Variants in CASP10 observed in about 807,000 individuals in gnomAD.
CASP10 encodes the protein caspase 10, also known as caspase-10.
CASP10 carries 41 observed loss-of-function variants against 48.5 expected under a neutral mutation model. That is an observed-to-expected ratio of 0.85 (90% CI 0.66 to 1.10). The LOEUF is 1.10. CASP10 is among the 50% of genes least tolerant of loss of function. CASP10 has a pLI of 0.00. For missense variants in CASP10, 614 were observed against 614.5 expected (o/e 1.00, Z 0.01); for synonymous variants, 232 against 238.4 (o/e 0.97, Z 0.25).
At chr2:201,226,996 A>C (rs1945795462) in intron 9 of CASP10, among the ~76,000 whole-genome samples, 1 of 152,192 alleles carries the variant, frequency 6.6e-6, no homozygotes, top group South Asian at 2.1e-4. Flanking sequence ...CTTATAAATT[A>C]ATATGTATAT....
intron 5 of CASP10, among the ~76,000 whole-genome samples, chr2:201,203,217 T>A (rs935085859): frequency 6.6e-6 from 1 of 152,172 alleles, no homozygotes; most frequent in Non-Finnish European, 1.5e-5. Flanking sequence ...TGAGCATATG[T>A]CACACTGTAT....
intron 5 of CASP10, among the ~76,000 whole-genome samples, chr2:201,203,064 C>T (rs1266375526): frequency 6.6e-6 from 1 of 152,132 alleles, no homozygotes; most frequent in South Asian, 2.1e-4. Context: ...GACAGCATCC[C>T]CTGGAGAAGG....
Position 201,218,447 on chromosome 2 carries a change from T to A in CASP10, c.*706T>A. On this transcript the variant is annotated 3_prime_UTR_variant, in exon 10 of 10. Coordinates refer to ENST00000286186, the MANE Select transcript of CASP10 (RefSeq NM_032977.4). ...CCTCCCAAGTAGCTGAGACTACAGG[T>A]GTGTGTCCATGCACAGCTAACTTTT... The A allele has an allele frequency of 7.8e-6, 5 of 644,442 alleles. No homozygotes were observed. The highest frequency in any genetic ancestry group is 9.6e-6 in the Non-Finnish European group (5 of 519,570). 39.9% of individuals were successfully genotyped at this position (644,442 alleles called of 1,614,324 possible). A position where few individuals can be genotyped will look rare whatever the true frequency, so the allele number is the denominator to read the frequency against.
intron 5 of CASP10, among the ~76,000 whole-genome samples, chr2:201,197,339 G>T (rs1266772749): frequency 6.6e-6 from 1 of 152,150 alleles, no homozygotes; most frequent in Non-Finnish European, 1.5e-5. Context: ...AGTTGGCCAG[G>T]CATGGTGGCC....
At chr2:201,193,399 G>A (rs1350553273) in intron 4 of CASP10, 6 of 360,800 alleles carry the variant, frequency 1.7e-5, no homozygotes, top group Non-Finnish European at 2.2e-5. Context: ...GTAGCGACAG[G>A]GTTTCACTAT....
At chr2:201,190,200 G>T (rs1361815444) in intron 3 of CASP10, among the ~76,000 whole-genome samples, 1 of 152,064 alleles carries the variant, frequency 6.6e-6, no homozygotes, top group East Asian at 1.9e-4. Flanking sequence ...TTTAATGAGA[G>T]ATGTCATTTC....
rs1401745844 is a variant in CASP10 at position 201,208,195 on chromosome 2, T to C, written c.922+12T>C. The C allele has an allele frequency of 6.2e-7, 1 of 1,600,520 alleles. No individual in the cohort carries two copies. The highest frequency in any genetic ancestry group is 1.8e-5 in the Admixed American group (1 of 56,174). On this transcript the variant is annotated intron_variant, in intron 8 of 9. Transcript: ENST00000286186. ...CCATAAAGATGCTGGTAAGAAAGTC[T>C]GGAACAGTTTATCAAATGCAAATTG...
intron 5 of CASP10, among the ~76,000 whole-genome samples, 180 bp from the exon 6 acceptor site, chr2:201,203,550 A>G (rs1576112581): frequency 6.6e-6 from 1 of 152,036 alleles, no homozygotes; most frequent in Admixed American, 6.5e-5. Context: ...CAGGTGATCC[A>G]CCTGCCTTGG....
chr2:201,220,108 C>CT lies in CASP10; in HGVS notation c.*2368dup. 1.0e-6 allele frequency: 1 copy of CT among 985,366 alleles called. No homozygotes were observed. The highest frequency in any genetic ancestry group is 1.2e-6 in the Non-Finnish European group (1 of 829,900). The allele number at this position is 985,366 out of a possible 1,614,324, so 61.0% of individuals were successfully genotyped here. A position where few individuals can be genotyped will look rare whatever the true frequency, so the allele number is the denominator to read the frequency against. On this transcript the variant is annotated 3_prime_UTR_variant, in exon 10 of 10. Transcript: ENST00000286186. The stretch of plus-strand genomic sequence containing the variant: ...TCACAAGAACACTGTTCTGATATCT[C>CT]TGATTGTCATGTGGATTTGAATGTA...
downstream of CASP10, among the ~76,000 whole-genome samples, chr2:201,225,616 G>A (rs888468166): frequency 1.3e-5 from 2 of 152,160 alleles, no homozygotes; most frequent in Non-Finnish European, 2.9e-5. Context: ...TGTCATTTGT[G>A]AATTTAAGAA....
Position 201,219,705 on chromosome 2 carries a change from CTTTT to C in CASP10, c.*1979_*1982del, listed in dbSNP as rs111572089. 52 of 861,028 alleles carry C rather than the reference CTTTT, an allele frequency of 6.0e-5. No individual in the cohort carries two copies. Among genetic ancestry groups the C allele is most frequent in the South Asian group, 2.2e-4 (4 of 18,584 alleles). The allele number at this position is 861,028 out of a possible 1,614,324, so 53.3% of individuals were successfully genotyped here. A position where few individuals can be genotyped will look rare whatever the true frequency, so the allele number is the denominator to read the frequency against. On this transcript the variant is annotated 3_prime_UTR_variant, in exon 10 of 10. Coordinates refer to ENST00000286186, the MANE Select transcript of CASP10 (RefSeq NM_032977.4). Reference sequence around the variant, plus strand: ...TTTTGAGCATTTTTACGTACTTGAGCTTTTTTTTTTTTTTTTTTCAATTTCTAGA... The same window carrying C: ...TTTTGAGCATTTTTACGTACTTGAGCTTTTTTTTTTTTTTCAATTTCTAGA...
intron 7 of CASP10, 84 bp downstream of exon 7, chr2:201,206,057 C>G (rs936518373): frequency 2.1e-5 from 17 of 790,792 alleles, no homozygotes; most frequent in Non-Finnish European, 3.2e-5. Context: ...TTTAGGGGCT[C>G]TCTCCCTAGG....
In CASP10 at chr2:201,195,933, C is replaced by A; in HGVS notation, c.669C>A (p.Phe223Leu). ...ELVSQTDVKT[F>L]LEALPQESWQ... ...TTTCCCAAACAGATGTTAAGACATT[C>A]TTGGAAGCCTTACCGGTAGGTTCAG... is the stretch of plus-strand genomic sequence containing the variant. Residue 223 changes from phenylalanine (F) to leucine (L), a missense_variant, in exon 5 of 10, where the codon TTC (phenylalanine) becomes TTA (leucine). Phe to Leu is a conservative substitution (Grantham distance 22). Transcript: ENST00000286186. The A allele has an allele frequency of 6.2e-7, 1 of 1,612,642 alleles. No individual in the cohort carries two copies. The highest frequency in any genetic ancestry group is 2.2e-5 in the East Asian group (1 of 44,886).
intron 6 of CASP10, among the ~76,000 whole-genome samples, chr2:201,205,522 C>T (rs190114556): frequency 1.6e-4 from 25 of 152,186 alleles, no homozygotes; most frequent in Non-Finnish European, 8.8e-5. Context: ...TGAGCCACCA[C>T]GCCCAGCCTC....
chr2:201,206,191 T>A, intron 7 of CASP10: 2 of 450,232 alleles, frequency 4.4e-6, no homozygotes, highest in South Asian at 4.7e-5. Context: ...CTGATCCCTT[T>A]GACTGTGGAG....
intron 2 of CASP10, among the ~76,000 whole-genome samples, chr2:201,187,043 G>A (rs747514326): frequency 1.9e-4 from 29 of 152,296 alleles, no homozygotes; most frequent in Admixed American, 1.9e-3. Flanking sequence ...AGAACCTCAC[G>A]AAGAGGAGCC....
In CASP10 at chr2:201,203,755, C is replaced by A. The variant is rs750409587; in HGVS notation, c.710C>A (p.Ala237Glu). 11 of 1,613,026 alleles carry A rather than the reference C, an allele frequency of 6.8e-6. No homozygotes were observed. Among genetic ancestry groups the A allele is most frequent in the Non-Finnish European group, 9.3e-6 (11 of 1,179,196 alleles). The change falls in exon 6 of 10, where the codon GCA (alanine) becomes GAA (glutamate). Residue 237 changes from alanine (A) to glutamate (E), a missense_variant. By Grantham distance (107) the Ala-to-Glu change is moderately radical (BLOSUM62 -1). Transcript: ENST00000286186. Reference sequence around the variant, plus strand: ...CAGGAGTCCTGGCAAAATAAGCATGCAGGTAGTAATGGTAGGTATTTCTAA... The same window carrying A: ...CAGGAGTCCTGGCAAAATAAGCATGAAGGTAGTAATGGTAGGTATTTCTAA... The part of the protein sequence containing the change: ...LPQESWQNKH[A>E]GSNGNRATNG...
chr2:201,216,425 A>G (rs1179589774), intron 9 of CASP10, among the ~76,000 whole-genome samples: 1 of 152,132 alleles, frequency 6.6e-6, no homozygotes, highest in Non-Finnish European at 1.5e-5. Context: ...TCAAAACAGG[A>G]TAATGGTAGT....
chr2:201,197,749 C>T (rs907126985), intron 5 of CASP10, among the ~76,000 whole-genome samples: 2 of 152,222 alleles, frequency 1.3e-5, no homozygotes, highest in Non-Finnish European at 2.9e-5. Flanking sequence ...TTGTTGTCCA[C>T]TCATCCATTG....
Sources: allele counts gnomAD v4.1 joint callset (sites outside exome capture counted in the v4.1 genomes callset), GRCh38; gene constraint gnomAD v4.1.1; transcripts MANE v1.5; gene names NCBI Gene and HGNC (gene_info 2026-07-23, HGNC 2026-07-21).